The following TRIM48 variants were observed in gnomAD, a reference collection of about 807,000 sequenced individuals.
TRIM48 encodes the protein E3 ubiquitin-protein ligase TRIM48.
TRIM48 carries 31 observed loss-of-function variants against 29.5 expected under a neutral mutation model. That is an observed-to-expected ratio of 1.05 (90% CI 0.79 to 1.42). The LOEUF (loss-of-function observed/expected upper bound fraction) is 1.42, where lower values mean the gene tolerates loss of function less well. Ranked by LOEUF, TRIM48 falls within the 40% of genes most tolerant of loss-of-function variation. The pLI is 0.00. For missense variants in TRIM48, 344 were observed against 265.0 expected, an observed-to-expected ratio of 1.30 and a Z score of -2.07; for synonymous variants, 128 against 90.6, an observed-to-expected ratio of 1.41 and a Z score of -2.34.
chr11:55,263,312 C>G (rs1209475255), intron 1 of TRIM48, among the ~76,000 whole-genome samples: 2 of 151,968 alleles, frequency 1.3e-5, no homozygotes, highest in African/African-American at 4.8e-5. Flanking sequence ...TTGTAGCAGG[C>G]TATACCATCT....
At chr11:55,268,779 A>G (rs1185378635) in intron 4 of TRIM48, among the ~76,000 whole-genome samples, 1 of 147,788 alleles carries the variant, frequency 6.8e-6, no homozygotes, top group Non-Finnish European at 1.5e-5. Context: ...TGAAAAAACT[A>G]TGGAGTGTTA....
chr11:55,270,147 G>A (rs1304184708), intron 5 of TRIM48, among the ~76,000 whole-genome samples: 2 of 148,106 alleles, frequency 1.4e-5, no homozygotes. Context: ...GGCGTATAAT[G>A]TGCAAATTTT....
chr11:55,270,125 CA>C (rs1396366681), intron 5 of TRIM48, among the ~76,000 whole-genome samples: 1 of 148,094 alleles, frequency 6.8e-6, no homozygotes, highest in Admixed American at 6.8e-5. Flanking sequence ...TTGATAACAG[CA>C]TAGCATTTAG....
chr11:55,265,479 CAG>C, intron 2 of TRIM48, 119 bp from the exon 3 acceptor site: 1 of 1,479,120 alleles, frequency 6.8e-7, no homozygotes, highest in Non-Finnish European at 9.1e-7. Flanking sequence ...AGAAGTGAAA[CAG>C]AAGAAATGCC....
At position 55,269,293 on chromosome 11, in the gene TRIM48, G is replaced by A. The variant is rs754370764; in HGVS notation, c.630G>A (p.Arg210=). 8 of 1,576,030 alleles carry A rather than the reference G, an allele frequency of 5.1e-6. 1 individual carries two copies. The highest frequency in any genetic ancestry group is 3.4e-5 in the Admixed American group (2 of 58,502). Reference sequence around the variant, plus strand: ...CCCAGCCTCTGAATCTAGCGCTCAGGGCAGGGCCCATCACTGGACTGAGGG... The same window carrying A: ...CCCAGCCTCTGAATCTAGCGCTCAGAGCAGGGCCCATCACTGGACTGAGGG... ...HMPQPLNLAL[R]AGPITGLRDR... is the part of the protein sequence containing the mutation. Residue 210 remains arginine, a synonymous_variant, in exon 5 of 6, where the codon AGG becomes AGA. Transcript: ENST00000417545.
rs61894893 is a variant in TRIM48, at chr11:55,269,336, T to A, written c.673T>A (p.Ter225ArgextTer167). 2.5e-6 allele frequency: 4 copies of A among 1,574,124 alleles called. 1 individual carries two copies. The African/African-American group carries it at 4.1e-5, about 16-fold the overall frequency. The change falls in exon 5 of 6, where the codon TGA becomes AGA. Residue 225 changes from the stop codon to arginine (R), a stop_lost. Transcript: ENST00000417545. ...TGLRDRLNQF[*>R] is the part of the protein sequence containing the mutation. ...ACTGAGGGACAGGCTCAACCAATTC[T>A]GAGGTAAGTCTCCACCCACAGGCAG...
At chr11:55,262,915 C>T (rs1387289782) in intron 1 of TRIM48, among the ~76,000 whole-genome samples, 1 of 152,108 alleles carries the variant, frequency 6.6e-6, no homozygotes, top group African/African-American at 2.4e-5. Context: ...TAGATGACCT[C>T]TGGAGAATAT....
Position 55,270,940 on chromosome 11 carries a change from G to C in TRIM48, c.*505G>C. 2 of 1,556,408 alleles carry C rather than the reference G, an allele frequency of 1.3e-6. No individual in the cohort carries two copies. Among genetic ancestry groups the C allele is most frequent in the Non-Finnish European group, 1.7e-6 (2 of 1,146,626 alleles). The stretch of plus-strand genomic sequence containing the variant: ...CTTTTTCTGTATTCTCCTCTGACCA[G>C]AGACAAATCAGAAATGTGTTCATCT... On this transcript the variant is annotated 3_prime_UTR_variant, in exon 6 of 6. Transcript: ENST00000417545.
intron 1 of TRIM48, among the ~76,000 whole-genome samples, 171 bp from the exon 2 acceptor site, chr11:55,264,729 G>A (rs1857359448): frequency 6.8e-6 from 1 of 148,004 alleles, no homozygotes; most frequent in Non-Finnish European, 1.5e-5. Flanking sequence ...CTATTATAAA[G>A]CCGGGAGACT....
chr11:55,267,767 T>C (rs1267418258), intron 3 of TRIM48: 7 of 1,411,806 alleles, frequency 5.0e-6, no homozygotes, highest in Non-Finnish European at 6.6e-6. Flanking sequence ...GCATAACTAA[T>C]GCTACTTTAT....
In TRIM48 at chr11:55,270,920, T is replaced by C; in HGVS notation, c.*485T>C. ...TCACTTCCTCTCAGACCTATCTTTT[T>C]CTGTATTCTCCTCTGACCAGAGACA... On this transcript the variant is annotated 3_prime_UTR_variant, in exon 6 of 6. Coordinates refer to ENST00000417545, the MANE Select transcript of TRIM48 (RefSeq NM_024114.5). 6.4e-7 allele frequency: 1 copy of C among 1,557,172 alleles called. No homozygotes were observed. Among genetic ancestry groups the C allele is most frequent in the South Asian group, 1.2e-5 (1 of 82,804 alleles).
chr11:55,270,473 A>G lies in TRIM48; in HGVS notation c.*38A>G, dbSNP rs1302998931. 4 of 1,554,704 alleles carry G rather than the reference A, an allele frequency of 2.6e-6. No homozygotes were observed. The African/African-American group carries it at 4.1e-5, about 16-fold the overall frequency. On this transcript the variant is annotated 3_prime_UTR_variant, in exon 6 of 6. Coordinates refer to ENST00000417545, the MANE Select transcript of TRIM48 (RefSeq NM_024114.5). ...CTGCATCACAATGAAGCCAACAGTCATATCTTCCGATGTGGAGATTTGAGA... is the reference window on the plus strand; with the variant it reads ...CTGCATCACAATGAAGCCAACAGTCGTATCTTCCGATGTGGAGATTTGAGA...
At position 55,267,824 on chromosome 11, in the gene TRIM48, C is replaced by G. The variant is rs539074053; in HGVS notation, c.556-526C>G. ...AGGGATCCTACCAGGCCAAAGGTCC[C>G]TCCTACTTTATCCACCAGCCACAAA... On this transcript the variant is annotated intron_variant, in intron 3 of 5. Transcript: ENST00000417545. Among the ~76,000 whole-genome samples, 12 of 148,020 alleles carry G rather than the reference C, an allele frequency of 8.1e-5. 2 individuals are homozygous for G. In the East Asian group the frequency reaches 1.5e-3, roughly 19 times the overall value.
At chr11:55,262,599 A>T (rs12808842) in intron 1 of TRIM48, among the ~76,000 whole-genome samples, 3,981 of 152,258 alleles carry the variant, frequency 0.026, 58 homozygotes, top group Middle Eastern at 0.034. Context: ...ATGTACACAT[A>T]GGTGTGTGTA....
intron 3 of TRIM48, 67 bp from the exon 4 acceptor site, chr11:55,268,283 A>C: frequency 1.5e-6 from 2 of 1,347,212 alleles, no homozygotes; most frequent in South Asian, 2.6e-5. Context: ...TCCAAATTTC[A>C]CACTGAACTT....
chr11:55,263,404 G>A (rs1458440188), intron 1 of TRIM48, among the ~76,000 whole-genome samples: 2 of 151,966 alleles, frequency 1.3e-5, no homozygotes, highest in Non-Finnish European at 1.5e-5. Context: ...TGTAATCCCA[G>A]CACTTTTGGA....
chr11:55,270,603 C>A lies in TRIM48; in HGVS notation c.*168C>A, dbSNP rs1857469065. Reference sequence around the variant, plus strand: ...AGACTTTCACCTCTGGCAAATATTACTGGGAGGTCCATGTGGGGGACTCTT... The same window carrying A: ...AGACTTTCACCTCTGGCAAATATTAATGGGAGGTCCATGTGGGGGACTCTT... On this transcript the variant is annotated 3_prime_UTR_variant, in exon 6 of 6. Transcript: ENST00000417545. 1.9e-6 allele frequency: 3 copies of A among 1,583,184 alleles called. No homozygotes were observed. Among genetic ancestry groups the A allele is most frequent in the Non-Finnish European group, 2.6e-6 (3 of 1,165,542 alleles).
In TRIM48 at chr11:55,265,231, C is replaced by T. The variant is rs1163901239; in HGVS notation, c.376C>T (p.Leu126=). 1 of 1,582,688 alleles carries T rather than the reference C, an allele frequency of 6.3e-7. No individual in the cohort carries two copies. Among genetic ancestry groups the T allele is most frequent in the African/African-American group, 1.4e-5 (1 of 73,678 alleles). Residue 126 remains leucine, a synonymous_variant, in exon 2 of 6, where the codon CTG becomes TTG. Transcript: ENST00000417545. Reference sequence around the variant, plus strand: ...GATGTTCTGTGAAGTGGACAGGAGCCTGCTCTGTTTGCTGTGCTCCAGCTC... The same window carrying T: ...GATGTTCTGTGAAGTGGACAGGAGCTTGCTCTGTTTGCTGTGCTCCAGCTC... ...KKMFCEVDRS[L]LCLLCSSSQE... is the part of the protein sequence containing the mutation.
rs1214514317 is a variant in TRIM48, at chr11:55,265,034, A to G, written c.179A>G (p.Gln60Arg). The G allele has an allele frequency of 6.3e-7, 1 of 1,584,296 alleles. No individual in the cohort carries two copies. Among genetic ancestry groups the G allele is most frequent in the Non-Finnish European group, 8.6e-7 (1 of 1,166,284 alleles). ...AGGCCCTGTTTCTACCTCAACTGGCAAGACATCCCAATTCTTACTCAGTGC... is the reference window on the plus strand; with the variant it reads ...AGGCCCTGTTTCTACCTCAACTGGCGAGACATCCCAATTCTTACTCAGTGC... ...FCRPCFYLNWQDIPILTQCFE... is the reference protein window; with the variant it reads ...FCRPCFYLNWRDIPILTQCFE... The change falls in exon 2 of 6, where the codon CAA becomes CGA. Residue 60 changes from glutamine to arginine, a missense_variant. Transcript: ENST00000417545.
Sources: gnomAD v4.1 joint callset for allele counts (sites outside exome capture counted in the v4.1 genomes callset) on GRCh38, gnomAD v4.1.1 for gene constraint, MANE v1.5 for transcripts, NCBI Gene and HGNC (gene_info 2026-07-23, HGNC 2026-07-21) for gene names.